The following FAM168A variants were observed in gnomAD, a reference collection of about 807,000 sequenced individuals.
FAM168A encodes protein FAM168A.
Under a neutral mutation model 28.5 loss-of-function variants are expected in FAM168A, and 3 were observed. The ratio of observed to expected loss-of-function variants is 0.11; its 90% CI spans 0.05 to 0.27. The LOEUF (loss-of-function observed/expected upper bound fraction) is 0.27, where lower values mean the gene tolerates loss of function less well. Ranked by LOEUF, FAM168A falls within the 10% of genes least tolerant of loss-of-function variation. The probability of loss-of-function intolerance (pLI) is 1.00; values close to 1 mark genes in which losing one functional copy is unlikely to be tolerated. For synonymous variants in FAM168A, 122 were observed against 124.2 expected (o/e 0.98, Z 0.12); for missense variants, 222 against 311.5 (o/e 0.71, Z 2.16).
chr11:73,443,648 C>T (rs1867245298), intron 2 of FAM168A, among the ~76,000 whole-genome samples: 1 of 152,158 alleles, frequency 6.6e-6, no homozygotes, highest in Admixed American at 6.5e-5. Context: ...CTGAGACAAC[C>T]TGTAGTGTTA....
intron 4 of FAM168A, among the ~76,000 whole-genome samples, chr11:73,416,978 T>G (rs1309600004): frequency 3.3e-5 from 5 of 152,060 alleles, no homozygotes; most frequent in African/African-American, 1.2e-4. Flanking sequence ...CATTTTGGTC[T>G]TTTTCAGGGA....
intron 1 of FAM168A, among the ~76,000 whole-genome samples, chr11:73,557,465 A>G (rs954921762): frequency 6.6e-6 from 1 of 152,058 alleles, no homozygotes; most frequent in Admixed American, 6.6e-5. Flanking sequence ...CCTGAGCTCA[A>G]GCGATCCTCC....
At position 73,575,534 on chromosome 11, in the gene FAM168A, G is replaced by T. The variant is rs76889825; in HGVS notation, c.-19+22389C>A. Among the ~76,000 whole-genome samples, 1,495 of 152,174 alleles carry T rather than the reference G, an allele frequency of 9.8e-3. 29 individuals are homozygous for T. The highest frequency in any genetic ancestry group is 0.034 in the African/African-American group (1,394 of 41,518). On this transcript the variant is annotated intron_variant, in intron 1 of 7. Coordinates refer to ENST00000356467, the MANE Select transcript of FAM168A (RefSeq NM_015159.3). Reference sequence around the variant, plus strand: ...CTAAACGTGTCTTAACTTTTTACATGGGTAACATGGAAACAATACCTACCT... The same window carrying T: ...CTAAACGTGTCTTAACTTTTTACATTGGTAACATGGAAACAATACCTACCT...
intron 5 of FAM168A, 147 bp from the exon 6 acceptor site, chr11:73,409,808 G>A: frequency 1.3e-6 from 1 of 745,512 alleles, no homozygotes; most frequent in Non-Finnish European, 2.1e-6. Flanking sequence ...GCAGTGCTGG[G>A]CTCAGCTTCT....
chr11:73,548,500 G>A (rs897226779), intron 1 of FAM168A, among the ~76,000 whole-genome samples: 3 of 152,112 alleles, frequency 2.0e-5, no homozygotes, highest in Non-Finnish European at 4.4e-5. Flanking sequence ...AATTCTTTAA[G>A]CTGCATATGT....
At chr11:73,561,673 T>A (rs1404997532) in intron 1 of FAM168A, among the ~76,000 whole-genome samples, 1 of 152,182 alleles carries the variant, frequency 6.6e-6, no homozygotes, top group East Asian at 1.9e-4. Flanking sequence ...TCACTCTTTT[T>A]TTAAGCATCT....
At chr11:73,551,838 T>C (rs1361158137) in intron 1 of FAM168A, among the ~76,000 whole-genome samples, 2 of 152,222 alleles carry the variant, frequency 1.3e-5, no homozygotes, top group Non-Finnish European at 2.9e-5. Flanking sequence ...TGAATGAATT[T>C]CCAGTTATTA....
At position 73,401,112 on chromosome 11, in the gene FAM168A, T is replaced by TA. The variant is rs1866398967; in HGVS notation, c.*5650_*5651insT. 3 of 148,830 alleles carry TA rather than the reference T, an allele frequency of 2.0e-5. No individual in the cohort carries two copies. Among genetic ancestry groups the TA allele is most frequent in the African/African-American group, 7.4e-5 (3 of 40,766 alleles). 9.2% of individuals were successfully genotyped at this position (148,830 alleles called of 1,614,324 possible). A position where few individuals can be genotyped will look rare whatever the true frequency, so the allele number is the denominator to read the frequency against. On this transcript the variant is annotated 3_prime_UTR_variant, in exon 8 of 8. Transcript: ENST00000356467. ...TTATTATTATTATTATTATTATTAT[T>TA]TTAAATTTTATTTCTTTTTAAAATG...
At chr11:73,476,672 CA>C (rs1361010235) in intron 1 of FAM168A, among the ~76,000 whole-genome samples, 8 of 150,980 alleles carry the variant, frequency 5.3e-5, no homozygotes, top group Non-Finnish European at 1.2e-4. Context: ...GCAGCTATTA[CA>C]AATGTTAAAA....
chr11:73,421,253 C>T (rs769835729), intron 3 of FAM168A, among the ~76,000 whole-genome samples: 12 of 152,178 alleles, frequency 7.9e-5, no homozygotes, highest in South Asian at 2.1e-4. Context: ...GATCCCGTAA[C>T]CCCCTCTGCC....
chr11:73,449,660 G>C (rs552932076), intron 2 of FAM168A, among the ~76,000 whole-genome samples: 1 of 152,346 alleles, frequency 6.6e-6, no homozygotes, highest in East Asian at 1.9e-4. Flanking sequence ...AAGGTTTGGA[G>C]TCAGGTCTTG....
intron 1 of FAM168A, among the ~76,000 whole-genome samples, chr11:73,557,220 C>T (rs1943901938): frequency 1.3e-5 from 2 of 152,202 alleles, no homozygotes; most frequent in Non-Finnish European, 1.5e-5. Context: ...AGATATTATG[C>T]TAAGTGAATT....
chr11:73,417,146 G>C (rs952964747), intron 4 of FAM168A, among the ~76,000 whole-genome samples: 1 of 152,168 alleles, frequency 6.6e-6, no homozygotes, highest in Non-Finnish European at 1.5e-5. Flanking sequence ...TCCATTTTTG[G>C]AGATGGTTTG....
Position 73,402,712 on chromosome 11 carries a change from G to A in FAM168A, c.*4051C>T, listed in dbSNP as rs1016200630. On this transcript the variant is annotated 3_prime_UTR_variant, in exon 8 of 8. Transcript: ENST00000356467. Reference sequence around the variant, plus strand: ...GACATGGGTCTCCCAATAGAAAGATGCCTCGTGCTGTCCTTGAACATGTCT... The same window carrying A: ...GACATGGGTCTCCCAATAGAAAGATACCTCGTGCTGTCCTTGAACATGTCT... The A allele has an allele frequency of 1.3e-5, 2 of 152,248 alleles. No homozygotes were observed. The highest frequency in any genetic ancestry group is 4.8e-5 in the African/African-American group (2 of 41,456). The allele number at this position is 152,248 out of a possible 1,614,324, so 9.4% of individuals were successfully genotyped here.
chr11:73,582,806 C>T (rs1370592685), intron 1 of FAM168A, among the ~76,000 whole-genome samples: 1 of 152,200 alleles, frequency 6.6e-6, no homozygotes, highest in Non-Finnish European at 1.5e-5. Context: ...ATGTGATCTG[C>T]ATTCATTCCA....
At chr11:73,583,520 C>G (rs763862369) in intron 1 of FAM168A, among the ~76,000 whole-genome samples, 6 of 152,168 alleles carry the variant, frequency 3.9e-5, no homozygotes, top group South Asian at 2.1e-4. Flanking sequence ...AAGAGACCAA[C>G]AAATAATAAA....
intron 1 of FAM168A, among the ~76,000 whole-genome samples, chr11:73,528,602 C>G (rs564502647): frequency 1.6e-4 from 25 of 152,186 alleles, no homozygotes; most frequent in African/African-American, 5.1e-4. Context: ...ACTTTACTTC[C>G]TTAATAAACT....
At chr11:73,595,393 T>A (rs1944431600) in intron 1 of FAM168A, among the ~76,000 whole-genome samples, 1 of 152,198 alleles carries the variant, frequency 6.6e-6, no homozygotes, top group African/African-American at 2.4e-5. Context: ...TGCTCAATCG[T>A]GAAAGCCAAG....
rs1590834014 is a variant in FAM168A at position 73,526,893 on chromosome 11, A to AAAAAT, written c.-18-58402_-18-58401insATTTT. ...CAAAAAAAAAAAAAAAAAAAAAAAA[A>AAAAAT]CGGAGAGAAATGAAACAAACTGAAA... On this transcript the variant is annotated intron_variant, in intron 1 of 7. Coordinates refer to ENST00000356467, the MANE Select transcript of FAM168A (RefSeq NM_015159.3). 2.1e-5 allele frequency among the ~76,000 whole-genome samples: 3 copies of AAAAAT among 143,240 alleles called. No individual in the cohort carries two copies. The East Asian group carries it at 5.9e-4, about 28-fold the overall frequency. The allele number at this position is 143,240 out of a possible 152,430, so 94.0% of individuals were successfully genotyped here.
Sources: gnomAD v4.1 joint callset for allele counts (sites outside exome capture counted in the v4.1 genomes callset) on GRCh38, gnomAD v4.1.1 for gene constraint, MANE v1.5 for transcripts, NCBI Gene and HGNC (gene_info 2026-07-23, HGNC 2026-07-21) for gene names.